The following KCNQ3 variants were observed in gnomAD, a reference collection of about 807,000 sequenced individuals.
The protein encoded by KCNQ3 is potassium voltage-gated channel subfamily KQT member 3.
Under a neutral mutation model 92.5 loss-of-function variants are expected in KCNQ3, and 30 were observed. The ratio of observed to expected loss-of-function variants is 0.32; its 90% confidence interval spans 0.24 to 0.44. The LOEUF (loss-of-function observed/expected upper bound fraction) is 0.44. Ranked by LOEUF, KCNQ3 falls within the 20% of genes least tolerant of loss-of-function variation. The probability of loss-of-function intolerance (pLI) is 1.00; values close to 1 mark genes in which losing one functional copy is unlikely to be tolerated. For missense variants in KCNQ3, 913 were observed against 1,140.3 expected (o/e 0.80, Z 2.87); for synonymous variants, 450 against 468.8 (o/e 0.96, Z 0.52).
Position 132,257,767 on chromosome 8 carries a change from G to A in KCNQ3, c.387-71586C>T, listed in dbSNP as rs201088557. On this transcript the variant is annotated intron_variant, in intron 1 of 14. Coordinates refer to ENST00000388996, the MANE Select transcript of KCNQ3 (RefSeq NM_004519.4). ...GCTCAAAAAAAAAAAAAAAAAAAAAGAGAGAGAGAGACAGTTTAGATTTAA... is the reference window on the plus strand; with the variant it reads ...GCTCAAAAAAAAAAAAAAAAAAAAAAAGAGAGAGAGACAGTTTAGATTTAA... 3.4e-3 allele frequency among the ~76,000 whole-genome samples: 198 copies of A among 58,020 alleles called. 20 individuals are homozygous for A. Among genetic ancestry groups the A allele is most frequent in the Middle Eastern group, 0.023 (1 of 44 alleles). The allele number at this position is 58,020 out of a possible 152,430, so 38.1% of individuals were successfully genotyped here. A position where few individuals can be genotyped will look rare whatever the true frequency, so the allele number is the denominator to read the frequency against.
chr8:132,239,691 T>C (rs534423468), intron 1 of KCNQ3, among the ~76,000 whole-genome samples: 1 of 152,302 alleles, frequency 6.6e-6, no homozygotes, highest in Middle Eastern at 3.4e-3. Context: ...CCAGACCCCA[T>C]ATATGACCAA....
intron 1 of KCNQ3, among the ~76,000 whole-genome samples, chr8:132,310,222 T>TA (rs2130609095): frequency 6.6e-6 from 1 of 152,358 alleles, no homozygotes; most frequent in Non-Finnish European, 1.5e-5. Flanking sequence ...TTACTGAGAC[T>TA]GGCCGTGCAG....
chr8:132,360,060 A>C (rs1341293127), intron 1 of KCNQ3, among the ~76,000 whole-genome samples: 1 of 152,156 alleles, frequency 6.6e-6, no homozygotes, highest in African/African-American at 2.4e-5. Flanking sequence ...ACAACTATCC[A>C]ATATGGCCTC....
At chr8:132,136,445 A>G (rs1317483264) in intron 12 of KCNQ3, among the ~76,000 whole-genome samples, 1 of 152,138 alleles carries the variant, frequency 6.6e-6, no homozygotes, top group Admixed American at 6.5e-5. Flanking sequence ...CTTATTAAAG[A>G]TTTGATACAT....
chr8:132,445,310 A>G (rs943262689), intron 1 of KCNQ3, among the ~76,000 whole-genome samples: 1 of 152,118 alleles, frequency 6.6e-6, no homozygotes, highest in African/African-American at 2.4e-5. Context: ...GGCAGCTGTG[A>G]GCAAAGGTGA....
intron 1 of KCNQ3, among the ~76,000 whole-genome samples, chr8:132,315,769 C>A (rs1225590940): frequency 6.6e-6 from 1 of 152,182 alleles, no homozygotes; most frequent in Non-Finnish European, 1.5e-5. Flanking sequence ...TCCCTGAAGT[C>A]ATATCCTTCA....
At chr8:132,321,977 A>G (rs1489306969) in intron 1 of KCNQ3, among the ~76,000 whole-genome samples, 2 of 152,154 alleles carry the variant, frequency 1.3e-5, no homozygotes, top group Non-Finnish European at 1.5e-5. Flanking sequence ...CCACATGAGA[A>G]GTGTTTTTTT....
chr8:132,218,113 G>A (rs1172090334), intron 1 of KCNQ3, among the ~76,000 whole-genome samples: 1 of 152,130 alleles, frequency 6.6e-6, no homozygotes, highest in Non-Finnish European at 1.5e-5. Context: ...CTATACAAAT[G>A]ACCATGGTCC....
intron 1 of KCNQ3, among the ~76,000 whole-genome samples, chr8:132,210,622 G>A (rs2130297281): frequency 6.6e-6 from 1 of 152,308 alleles, no homozygotes; most frequent in South Asian, 2.1e-4. Flanking sequence ...TGTTGGCCAG[G>A]ACTGGGTTCT....
chr8:132,325,622 A>G (rs78420537), intron 1 of KCNQ3, among the ~76,000 whole-genome samples: 350 of 152,364 alleles, frequency 2.3e-3, no homozygotes, highest in African/African-American at 8.2e-3. Flanking sequence ...CAGGGAGAAG[A>G]CAGCCATCTA....
intron 10 of KCNQ3, chr8:132,140,905 A>C: frequency 1.8e-6 from 1 of 569,800 alleles, no homozygotes; most frequent in Non-Finnish European, 3.1e-6. Context: ...CCAGGCTCCT[A>C]ACTTGGGAGC....
At chr8:132,339,619 G>C (rs1818462270) in intron 1 of KCNQ3, among the ~76,000 whole-genome samples, 1 of 152,124 alleles carries the variant, frequency 6.6e-6, no homozygotes, top group Non-Finnish European at 1.5e-5. Flanking sequence ...TGAGGCATGA[G>C]TATTGCTTGA....
At chr8:132,178,444 G>C (rs1178117958) in intron 4 of KCNQ3, among the ~76,000 whole-genome samples, 2 of 152,204 alleles carry the variant, frequency 1.3e-5, no homozygotes, top group Non-Finnish European at 2.9e-5. Flanking sequence ...GTGAGGAACA[G>C]CATATTCAGA....
chr8:132,173,623 A>G (rs1826454670), intron 6 of KCNQ3, among the ~76,000 whole-genome samples: 1 of 152,208 alleles, frequency 6.6e-6, no homozygotes, highest in Admixed American at 6.5e-5. Context: ...GTTGCCATGA[A>G]GATTAAATGA....
At chr8:132,441,562 C>A (rs1009758943) in intron 1 of KCNQ3, among the ~76,000 whole-genome samples, 2 of 146,680 alleles carry the variant, frequency 1.4e-5, no homozygotes, top group African/African-American at 5.2e-5. Context: ...TCCAAAAAAA[C>A]AAAAATCAAA....
At chr8:132,314,698 G>A (rs1817689343) in intron 1 of KCNQ3, among the ~76,000 whole-genome samples, 1 of 152,192 alleles carries the variant, frequency 6.6e-6, no homozygotes, top group Admixed American at 6.5e-5. Flanking sequence ...CAGCACTAAT[G>A]GGTGAAGGAA....
chr8:132,235,042 A>T lies in KCNQ3; in HGVS notation c.387-48861T>A, dbSNP rs1814767648. ...GTGGTATGTGAATTATATGTAAAAAATAAAAAGATGCTTGGCAGCCAACAC... is the reference window on the plus strand; with the variant it reads ...GTGGTATGTGAATTATATGTAAAAATTAAAAAGATGCTTGGCAGCCAACAC... On this transcript the variant is annotated intron_variant, in intron 1 of 14. Coordinates refer to ENST00000388996, the MANE Select transcript of KCNQ3 (RefSeq NM_004519.4). 2.6e-5 allele frequency among the ~76,000 whole-genome samples: 4 copies of T among 152,252 alleles called. No homozygotes were observed. In the South Asian group the frequency reaches 8.3e-4, roughly 32 times the overall value.
At chr8:132,243,032 A>C (rs775110859) in intron 1 of KCNQ3, among the ~76,000 whole-genome samples, 1 of 152,370 alleles carries the variant, frequency 6.6e-6, no homozygotes, top group Admixed American at 6.5e-5. Context: ...AGGAGGAATA[A>C]GACAATAAAA....
chr8:132,284,054 C>T (rs56985597), intron 1 of KCNQ3, among the ~76,000 whole-genome samples: 3,919 of 152,272 alleles, frequency 0.026, 185 homozygotes, highest in African/African-American at 0.089. Flanking sequence ...AACAAAGAAG[C>T]ACACATTGAA....
Sources: gnomAD v4.1 joint callset for allele counts (sites outside exome capture counted in the v4.1 genomes callset) on GRCh38, gnomAD v4.1.1 for gene constraint, MANE v1.5 for transcripts, NCBI Gene and HGNC (gene_info 2026-07-23, HGNC 2026-07-21) for gene names.